RBFOX1: variants seen among roughly 807,000 people sequenced by gnomAD.
RBFOX1 encodes RNA binding fox-1 homolog 1, also known as RNA binding protein fox-1 homolog 1.
Under a neutral mutation model 57.7 loss-of-function variants are expected in RBFOX1, and 8 were observed. That is an observed-to-expected ratio of 0.14 (90% CI 0.08 to 0.25). RBFOX1 has a LOEUF of 0.25. Ranked by LOEUF, RBFOX1 falls within the 10% of genes least tolerant of loss-of-function variation. The probability of loss-of-function intolerance (pLI) is 1.00; values close to 1 mark genes in which losing one functional copy is unlikely to be tolerated. For synonymous variants in RBFOX1, 326 were observed against 222.4 expected (o/e 1.47, Z -4.15); for missense variants, 611 against 548.5 (o/e 1.11, Z -1.14).
intron 4 of RBFOX1, among the ~76,000 whole-genome samples, chr16:5,999,600 G>A (rs1050990762): frequency 3.3e-5 from 5 of 152,190 alleles, no homozygotes; most frequent in Non-Finnish European, 5.9e-5. Context: ...GGTGGCTCAC[G>A]CCTGTAATCC....
chr16:7,405,832 C>T (rs1179028098), intron 4 of RBFOX1, among the ~76,000 whole-genome samples: 1 of 152,106 alleles, frequency 6.6e-6, no homozygotes, highest in Admixed American at 6.5e-5. Flanking sequence ...TCTTCCATAC[C>T]TGGAGCATTG....
intron 1 of RBFOX1, among the ~76,000 whole-genome samples, chr16:5,422,932 G>C: frequency 7.7e-6 from 1 of 130,050 alleles, no homozygotes; most frequent in Non-Finnish European, 1.6e-5. Flanking sequence ...GAAGGAGGAT[G>C]AGGGAGAGGG....
At chr16:5,911,648 G>GTATTTT (rs1334639950) in intron 4 of RBFOX1, among the ~76,000 whole-genome samples, 1 of 152,140 alleles carries the variant, frequency 6.6e-6, no homozygotes, top group Non-Finnish European at 1.5e-5. Flanking sequence ...CCATGAACAG[G>GTATTTT]GCCACTTCTA....
At chr16:5,520,808 A>T (rs1054008758) in intron 2 of RBFOX1, among the ~76,000 whole-genome samples, 5 of 152,176 alleles carry the variant, frequency 3.3e-5, no homozygotes, top group Admixed American at 2.0e-4. Context: ...TGGCTATCTG[A>T]GCAGAAGTCT....
chr16:5,918,339 C>G (rs934965316), intron 4 of RBFOX1, among the ~76,000 whole-genome samples: 41 of 152,252 alleles, frequency 2.7e-4, no homozygotes, highest in Non-Finnish European at 7.4e-5. Context: ...AGGCTGGTCT[C>G]GAACTTCTGA....
At chr16:5,985,615 G>A (rs559081293) in intron 4 of RBFOX1, among the ~76,000 whole-genome samples, 10 of 152,196 alleles carry the variant, frequency 6.6e-5, no homozygotes, top group Non-Finnish European at 1.5e-4. Flanking sequence ...CAGCCCCCAG[G>A]GGAGGGGGAG....
intron 1 of RBFOX1, among the ~76,000 whole-genome samples, chr16:6,093,997 T>C (rs895632630): frequency 6.6e-6 from 1 of 152,214 alleles, no homozygotes; most frequent in Non-Finnish European, 1.5e-5. Flanking sequence ...ATCATGCCGC[T>C]TTTTTAGGTA....
chr16:5,928,515 C>T (rs754202442), intron 4 of RBFOX1, among the ~76,000 whole-genome samples: 7 of 151,842 alleles, frequency 4.6e-5, no homozygotes, highest in Non-Finnish European at 8.8e-5. Flanking sequence ...ACCCCATAAA[C>T]ATATACAATT....
chr16:6,127,806 C>T (rs1203035976), intron 1 of RBFOX1, among the ~76,000 whole-genome samples: 1 of 152,134 alleles, frequency 6.6e-6, no homozygotes, highest in African/African-American at 2.4e-5. Context: ...TTTGTAACAG[C>T]TACTTTGGTT....
At chr16:6,110,920 G>T (rs2096439454) in intron 1 of RBFOX1, among the ~76,000 whole-genome samples, 2 of 152,166 alleles carry the variant, frequency 1.3e-5, no homozygotes, top group South Asian at 4.1e-4. Flanking sequence ...TGTTGAGATT[G>T]CAAAATGCTA....
intron 4 of RBFOX1, among the ~76,000 whole-genome samples, chr16:7,121,528 A>T (rs1208782632): frequency 1.3e-5 from 2 of 152,098 alleles, no homozygotes; most frequent in Non-Finnish European, 2.9e-5. Context: ...AGAGATCTTT[A>T]TGCTGAAAAC....
At chr16:6,634,636 AATTAC>A (rs993149144) in intron 2 of RBFOX1, among the ~76,000 whole-genome samples, 4 of 144,160 alleles carry the variant, frequency 2.8e-5, no homozygotes, top group East Asian at 3.9e-4. Flanking sequence ...TATAAATGGA[AATTAC>A]ATTATATAAT....
intron 4 of RBFOX1, among the ~76,000 whole-genome samples, chr16:7,338,280 G>C (rs1055516753): frequency 2.6e-5 from 4 of 151,240 alleles, no homozygotes; most frequent in Non-Finnish European, 5.9e-5. Context: ...AGCTCTCAGA[G>C]GGCTGAGATT....
At chr16:5,569,802 G>A (rs1426612377) in intron 2 of RBFOX1, among the ~76,000 whole-genome samples, 1 of 152,090 alleles carries the variant, frequency 6.6e-6, no homozygotes, top group African/African-American at 2.4e-5. Flanking sequence ...TGACATAAGG[G>A]TTATTTCTCT....
chr16:7,342,060 C>T (rs1436108131), intron 4 of RBFOX1, among the ~76,000 whole-genome samples: 3 of 152,032 alleles, frequency 2.0e-5, no homozygotes, highest in Non-Finnish European at 4.4e-5. Context: ...AGGAACTGCT[C>T]TCTGAAGACC....
chr16:7,606,000 G>C lies in RBFOX1; in HGVS notation c.623-1285G>C, dbSNP rs551543144. Among the ~76,000 whole-genome samples, 5 of 152,084 alleles carry C rather than the reference G, an allele frequency of 3.3e-5. No homozygotes were observed. The South Asian group carries it at 6.2e-4, about 19-fold the overall frequency. The stretch of plus-strand genomic sequence containing the variant: ...ACTTTGTATTTTTAGTAGAGTCAAG[G>C]TTTCGCCATGCTGGACAGGCTGCTC... On this transcript the variant is annotated intron_variant, in intron 9 of 15. Transcript: ENST00000550418.
chr16:6,739,247 AAAAG>A (rs2071337319), intron 3 of RBFOX1, among the ~76,000 whole-genome samples: 1 of 152,030 alleles, frequency 6.6e-6, no homozygotes, highest in Non-Finnish European at 1.5e-5. Flanking sequence ...TAGAAAAAAA[AAAAG>A]AAGGGAATAA....
At chr16:5,710,619 T>C (rs1043518118) in intron 3 of RBFOX1, among the ~76,000 whole-genome samples, 5 of 152,122 alleles carry the variant, frequency 3.3e-5, no homozygotes, top group African/African-American at 1.2e-4. Flanking sequence ...TTGGGGAGGG[T>C]TGGTGCACAG....
At chr16:6,114,212 G>C (rs1041332922) in intron 1 of RBFOX1, among the ~76,000 whole-genome samples, 2 of 152,046 alleles carry the variant, frequency 1.3e-5, no homozygotes, top group African/African-American at 4.8e-5. Context: ...TTAGATTCTT[G>C]GATGAATATT....
Sources: gnomAD v4.1 joint callset for allele counts (sites outside exome capture counted in the v4.1 genomes callset) on GRCh38, gnomAD v4.1.1 for gene constraint, MANE v1.5 for transcripts, NCBI Gene and HGNC (gene_info 2026-07-23, HGNC 2026-07-21) for gene names.